CAMK1D: variants seen among roughly 807,000 people sequenced by gnomAD.
CAMK1D encodes the protein calcium/calmodulin-dependent protein kinase type 1D.
A neutral mutation model predicts 47.7 loss-of-function variants in CAMK1D; 9 were observed. That is an observed-to-expected ratio of 0.19 (90% CI 0.11 to 0.33). CAMK1D has a LOEUF of 0.33. Ranked by LOEUF, CAMK1D falls within the 10% of genes least tolerant of loss-of-function variation. The pLI is 1.00. For missense variants in CAMK1D, 291 were observed against 488.7 expected (o/e 0.60, Z 3.81); for synonymous variants, 184 against 184.9 (o/e 0.99, Z 0.04).
At chr10:12,719,712 G>A (rs1834297493) in intron 3 of CAMK1D, among the ~76,000 whole-genome samples, 1 of 152,204 alleles carries the variant, frequency 6.6e-6, no homozygotes, top group African/African-American at 2.4e-5. Context: ...CTGCGTCCCT[G>A]CCACTCTTAC....
intron 3 of CAMK1D, among the ~76,000 whole-genome samples, chr10:12,749,246 C>T (rs1340528449): frequency 6.6e-6 from 1 of 151,760 alleles, no homozygotes; most frequent in African/African-American, 2.4e-5. Flanking sequence ...CTTAGTAAAC[C>T]TTATAAATAT....
intron 5 of CAMK1D, among the ~76,000 whole-genome samples, chr10:12,770,724 G>A (rs2130933820): frequency 6.6e-6 from 1 of 152,240 alleles, no homozygotes; most frequent in African/African-American, 2.4e-5. Flanking sequence ...ACAGGGAGGA[G>A]ACTTGGGCCT....
At chr10:12,404,202 C>T (rs1420258016) in intron 1 of CAMK1D, among the ~76,000 whole-genome samples, 4 of 152,070 alleles carry the variant, frequency 2.6e-5, no homozygotes, top group African/African-American at 7.2e-5. Flanking sequence ...TCCGCCACCG[C>T]GCCCAGCTAA....
chr10:12,588,203 C>T (rs972901543), intron 2 of CAMK1D, among the ~76,000 whole-genome samples: 3 of 152,092 alleles, frequency 2.0e-5, no homozygotes, highest in Admixed American at 6.5e-5. Flanking sequence ...GTCTGCAAGG[C>T]ACGGAGCTCT....
intron 5 of CAMK1D, among the ~76,000 whole-genome samples, chr10:12,782,230 G>A (rs1389844678): frequency 1.3e-5 from 2 of 152,164 alleles, no homozygotes; most frequent in Non-Finnish European, 2.9e-5. Context: ...GGAAACCTGG[G>A]TGAAGCAGCA....
intron 1 of CAMK1D, among the ~76,000 whole-genome samples, chr10:12,470,173 A>G (rs934352086): frequency 6.6e-6 from 1 of 152,200 alleles, no homozygotes; most frequent in African/African-American, 2.4e-5. Context: ...TTTCATAACA[A>G]TTCTCTATAA....
intron 1 of CAMK1D, among the ~76,000 whole-genome samples, chr10:12,517,445 A>T (rs1312417680): frequency 2.0e-5 from 3 of 152,222 alleles, no homozygotes; most frequent in African/African-American, 7.2e-5. Context: ...TCTTTGCCTT[A>T]TTCTTGACCT....
chr10:12,473,334 T>C (rs1242251928), intron 1 of CAMK1D, among the ~76,000 whole-genome samples: 1 of 152,080 alleles, frequency 6.6e-6, no homozygotes, highest in African/African-American at 2.4e-5. Context: ...CTCGGAAGGC[T>C]GAGGCAGGAG....
intron 1 of CAMK1D, among the ~76,000 whole-genome samples, chr10:12,544,199 T>C (rs1000809241): frequency 5.9e-5 from 9 of 152,254 alleles, no homozygotes; most frequent in Non-Finnish European, 1.3e-4. Context: ...TAAATTTTTA[T>C]TTGACTTTTC....
Position 12,640,022 on chromosome 10 carries a change from T to C in CAMK1D, c.225-26714T>C, listed in dbSNP as rs1048281094. 1.8e-4 allele frequency among the ~76,000 whole-genome samples: 27 copies of C among 152,318 alleles called. 1 individual carries two copies. The highest frequency in any genetic ancestry group is 5.5e-4 in the African/African-American group (23 of 41,582). On this transcript the variant is annotated intron_variant, in intron 2 of 10. Transcript: ENST00000619168. ...TTAATGAGAAGGAAAAAACTTGTAA[T>C]GTCATGTTCTACGAAGCTCCCCTTT...
At chr10:12,630,703 C>T (rs1160330040) in intron 2 of CAMK1D, among the ~76,000 whole-genome samples, 2 of 152,130 alleles carry the variant, frequency 1.3e-5, no homozygotes, top group East Asian at 1.9e-4. Context: ...GGATTCGAGG[C>T]GTGAGCTACT....
intron 3 of CAMK1D, among the ~76,000 whole-genome samples, chr10:12,718,384 A>G (rs1355627715): frequency 6.6e-6 from 1 of 152,244 alleles, no homozygotes; most frequent in Non-Finnish European, 1.5e-5. Flanking sequence ...TTTATACAGC[A>G]TAAGAAAGTT....
intron 2 of CAMK1D, among the ~76,000 whole-genome samples, chr10:12,649,101 C>T (rs985253433): frequency 1.3e-5 from 2 of 152,192 alleles, no homozygotes; most frequent in African/African-American, 4.8e-5. Flanking sequence ...CTCCTGGCTT[C>T]AAGCAGGCCT....
chr10:12,434,275 G>A (rs1232612892), intron 1 of CAMK1D, among the ~76,000 whole-genome samples: 2 of 152,178 alleles, frequency 1.3e-5, no homozygotes, highest in African/African-American at 4.8e-5. Flanking sequence ...GAGTGTTTGG[G>A]GTTTGGAGTC....
chr10:12,565,993 C>A (rs967636860), intron 2 of CAMK1D, among the ~76,000 whole-genome samples: 1 of 152,078 alleles, frequency 6.6e-6, no homozygotes, highest in African/African-American at 2.4e-5. Context: ...GTGGTGAAGT[C>A]CTGAGAATCA....
At chr10:12,486,172 T>C (rs549341724) in intron 1 of CAMK1D, among the ~76,000 whole-genome samples, 1 of 151,944 alleles carries the variant, frequency 6.6e-6, no homozygotes, top group East Asian at 2.0e-4. Flanking sequence ...TCTTTTTTTT[T>C]TTTTGAGACA....
chr10:12,719,975 G>A, intron 3 of CAMK1D, among the ~76,000 whole-genome samples: 1 of 152,204 alleles, frequency 6.6e-6, no homozygotes, highest in East Asian at 1.9e-4. Flanking sequence ...GCTGGGCCCT[G>A]CCTTCTGAGA....
intron 4 of CAMK1D, 119 bp downstream of exon 4, chr10:12,761,205 T>C: frequency 8.3e-7 from 1 of 1,207,080 alleles, no homozygotes; most frequent in Non-Finnish European, 1.1e-6. Flanking sequence ...GTGCAGCAGA[T>C]GGTGGGCATT....
intron 3 of CAMK1D, among the ~76,000 whole-genome samples, chr10:12,694,939 A>G (rs534615393): frequency 1.3e-5 from 2 of 152,096 alleles, no homozygotes; most frequent in African/African-American, 4.8e-5. Flanking sequence ...TACAATAAAG[A>G]TACACTCAGG....
Sources: allele counts gnomAD v4.1 joint callset (sites outside exome capture counted in the v4.1 genomes callset), GRCh38; gene constraint gnomAD v4.1.1; transcripts MANE v1.5; gene names NCBI Gene and HGNC (gene_info 2026-07-23, HGNC 2026-07-21).